The following C10orf143 variants were observed in gnomAD, a reference collection of about 807,000 sequenced individuals.
C10orf143 encodes chromosome 10 open reading frame 143.
intron 3 of C10orf143, among the ~76,000 whole-genome samples, chr10:130,042,053 A>G (rs1860613538): frequency 6.6e-6 from 1 of 152,270 alleles, no homozygotes; most frequent in East Asian, 1.9e-4. Context: ...ACTTGTGTAC[A>G]CACGTGCACA....
chr10:130,087,646 A>G (rs1027526436), intron 1 of C10orf143, among the ~76,000 whole-genome samples: 2 of 152,192 alleles, frequency 1.3e-5, no homozygotes, highest in Non-Finnish European at 2.9e-5. Context: ...AGTGAGCTTA[A>G]TGAGTGAAGT....
chr10:130,109,249 C>A (rs1450053674), intron 1 of C10orf143, among the ~76,000 whole-genome samples: 2 of 152,216 alleles, frequency 1.3e-5, no homozygotes, highest in Non-Finnish European at 2.9e-5. Context: ...AAGGTCTCAA[C>A]ACATCAGCAT....
Position 130,079,739 on chromosome 10 carries a change from C to G in C10orf143, c.232G>C (p.Gly78Arg). ...PESGQGRLST[G>R]ISQNGGRSSA... ...GTTTGGTGGGAAGAGGAACATACCCCTGTACTTAGCCTCCCCTGGCCACTC... is the reference window on the plus strand; with the variant it reads ...GTTTGGTGGGAAGAGGAACATACCCGTGTACTTAGCCTCCCCTGGCCACTC... Residue 78 changes from glycine to arginine, a missense_variant and splice_region_variant, in exon 2 of 4, where the codon GGG becomes CGG. Transcript: ENST00000637128. 1 of 398,648 alleles carries G rather than the reference C, an allele frequency of 2.5e-6. No homozygotes were observed. Among genetic ancestry groups the G allele is most frequent in the Admixed American group, 4.4e-5 (1 of 22,732 alleles). 24.7% of individuals were successfully genotyped at this position (398,648 alleles called of 1,614,324 possible).
chr10:130,066,499 C>T (rs1262554952), intron 3 of C10orf143: 2 of 152,016 alleles, frequency 1.3e-5, no homozygotes, highest in African/African-American at 4.8e-5. Flanking sequence ...TGGCCAAGAC[C>T]CAGAATCTTA....
chr10:130,055,692 G>A (rs2134736543), intron 3 of C10orf143, among the ~76,000 whole-genome samples: 1 of 152,148 alleles, frequency 6.6e-6, no homozygotes, highest in African/African-American at 2.4e-5. Context: ...ACGCCTGTAA[G>A]CCCAGCACTT....
At chr10:130,100,485 CTCCA>C (rs1861530949) in intron 1 of C10orf143, among the ~76,000 whole-genome samples, 1 of 152,078 alleles carries the variant, frequency 6.6e-6, no homozygotes, top group Non-Finnish European at 1.5e-5. Context: ...AGCTACTGCA[CTCCA>C]GCCTGGGCAA....
chr10:130,105,913 C>T (rs906963057), intron 1 of C10orf143: 12 of 368,456 alleles, frequency 3.3e-5, no homozygotes, highest in Non-Finnish European at 5.9e-5. Flanking sequence ...CCAGCTCCCC[C>T]CCGCAGCCGG....
At chr10:130,038,708 T>TC (rs1321392621) in intron 3 of C10orf143, among the ~76,000 whole-genome samples, 1 of 152,164 alleles carries the variant, frequency 6.6e-6, no homozygotes, top group Non-Finnish European at 1.5e-5. Context: ...TCCTTGGCCT[T>TC]AGCCTCCCTG....
chr10:130,099,443 T>A (rs1287061830), intron 1 of C10orf143, among the ~76,000 whole-genome samples: 1 of 152,224 alleles, frequency 6.6e-6, no homozygotes, highest in Non-Finnish European at 1.5e-5. Context: ...ACTCAGCAGA[T>A]GAGCTATAAA....
At chr10:130,107,454 G>T (rs1204760532) in intron 1 of C10orf143, 3 of 1,405,538 alleles carry the variant, frequency 2.1e-6, no homozygotes, top group East Asian at 2.3e-5. Flanking sequence ...GCTGCTGAAA[G>T]AAACCTCAAT....
chr10:130,036,680 A>C (rs1860548762), intron 3 of C10orf143, among the ~76,000 whole-genome samples: 1 of 152,120 alleles, frequency 6.6e-6, no homozygotes, highest in African/African-American at 2.4e-5. Context: ...GATTGTTCTG[A>C]CTCACTGTAG....
intron 3 of C10orf143, among the ~76,000 whole-genome samples, chr10:130,078,349 C>A (rs1861153651): frequency 6.6e-6 from 1 of 152,088 alleles, no homozygotes; most frequent in East Asian, 1.9e-4. Context: ...AAAGAAGGCA[C>A]CGGTCAGTCA....
chr10:130,109,463 G>A (rs1449989154), intron 1 of C10orf143, among the ~76,000 whole-genome samples: 1 of 152,154 alleles, frequency 6.6e-6, no homozygotes, highest in African/African-American at 2.4e-5. Context: ...GACTGCTCAC[G>A]TCCATGCTGT....
intron 1 of C10orf143, among the ~76,000 whole-genome samples, chr10:130,100,725 C>T (rs1174113490): frequency 6.6e-6 from 1 of 152,054 alleles, no homozygotes; most frequent in Non-Finnish European, 1.5e-5. Flanking sequence ...TAGTGGACGG[C>T]TAGACATTGC....
At chr10:130,089,747 C>T (rs559118369) in intron 1 of C10orf143, among the ~76,000 whole-genome samples, 3 of 152,176 alleles carry the variant, frequency 2.0e-5, no homozygotes, top group Admixed American at 6.5e-5. Context: ...AGAAATGAAC[C>T]CTTATATTTA....
downstream of C10orf143, among the ~76,000 whole-genome samples, chr10:130,062,212 C>T (rs1301799464): frequency 3.9e-5 from 6 of 152,202 alleles, no homozygotes; most frequent in Non-Finnish European, 8.8e-5. Context: ...ATTCCCTTCA[C>T]AGTCTGGAAA....
Position 130,042,582 on chromosome 10 carries a change from C to T in C10orf143, c.298-6612G>A, listed in dbSNP as rs146509249. Among the ~76,000 whole-genome samples the T allele has an allele frequency of 6.4e-3, 978 of 152,332 alleles. 7 individuals are homozygous for T. Among genetic ancestry groups the T allele is most frequent in the Non-Finnish European group, 0.01 (697 of 68,024 alleles). On this transcript the variant is annotated intron_variant and NMD_transcript_variant, in intron 3 of 5. Coordinates refer to the C10orf143 transcript ENST00000643056. ...ATGGGAGACCTCCCTCAGCTCTGGC[C>T]CACCCCTCCTCGCGGGCATCACTCT...
Position 130,110,688 on chromosome 10 carries a change from G to A in C10orf143, c.69+16C>T, listed in dbSNP as rs1861752787. ...TCCGCCCTCCCGTCCCTAACGCCCA[G>A]GCCCCGGGGGCTCACCACGTCCCCC... On this transcript the variant is annotated intron_variant, in intron 1 of 3. Coordinates refer to ENST00000637128, the MANE Select transcript of C10orf143 (RefSeq NM_001355042.2). 1 of 398,644 alleles carries A rather than the reference G, an allele frequency of 2.5e-6. No individual in the cohort carries two copies. The highest frequency in any genetic ancestry group is 1.3e-4 in the South Asian group (1 of 7,874). The allele number at this position is 398,644 out of a possible 1,614,324, so 24.7% of individuals were successfully genotyped here.
intron 1 of C10orf143, among the ~76,000 whole-genome samples, chr10:130,100,781 C>A (rs1465363761): frequency 1.3e-5 from 2 of 151,948 alleles, no homozygotes; most frequent in Non-Finnish European, 1.5e-5. Flanking sequence ...TAGAAACAAT[C>A]AAAAATCAAA....
Sources: gnomAD v4.1 joint callset for allele counts (sites outside exome capture counted in the v4.1 genomes callset) on GRCh38, gnomAD v4.1.1 for gene constraint, MANE v1.5 for transcripts, NCBI Gene and HGNC (gene_info 2026-07-23, HGNC 2026-07-21) for gene names.